Variants in STK3 observed in about 807,000 individuals in gnomAD.
The protein encoded by STK3 is serine/threonine kinase 3.
Under a neutral mutation model 58.0 loss-of-function variants are expected in STK3, and 41 were observed. That is an observed-to-expected ratio of 0.71 (90% CI 0.55 to 0.92). The LOEUF is 0.92. Ranked by LOEUF, STK3 falls within the 40% of genes least tolerant of loss-of-function variation. The pLI is 0.00. For synonymous variants in STK3, 170 were observed against 191.0 expected, an observed-to-expected ratio of 0.89 and a Z score of 0.91; for missense variants, 479 against 602.7, an observed-to-expected ratio of 0.79 and a Z score of 2.15.
chr8:98,417,598 T>C (rs996900655), intron 3 of STK3, among the ~76,000 whole-genome samples: 12 of 152,194 alleles, frequency 7.9e-5, no homozygotes, highest in Non-Finnish European at 1.8e-4. Context: ...CTATCATTGG[T>C]GAGTTCTGTA....
At chr8:98,625,282 C>T (rs182493192) in intron 6 of STK3, among the ~76,000 whole-genome samples, 1 of 152,154 alleles carries the variant, frequency 6.6e-6, no homozygotes, top group Non-Finnish European at 1.5e-5. Flanking sequence ...ACCCTCTCTC[C>T]GACAACACAC....
chr8:98,526,146 G>A (rs1235289038), intron 10 of STK3, among the ~76,000 whole-genome samples: 2 of 151,902 alleles, frequency 1.3e-5, no homozygotes, highest in East Asian at 3.9e-4. Flanking sequence ...TAGTTCATCT[G>A]TATTTTATGT....
chr8:98,690,972 A>C (rs1032687668), intron 6 of STK3, among the ~76,000 whole-genome samples: 1 of 152,168 alleles, frequency 6.6e-6, no homozygotes, highest in Non-Finnish European at 1.5e-5. Context: ...AAAACCAAAC[A>C]CTGCATGTTC....
chr8:98,677,482 T>G (rs2130876444), intron 6 of STK3, among the ~76,000 whole-genome samples: 1 of 151,650 alleles, frequency 6.6e-6, no homozygotes, highest in Non-Finnish European at 1.5e-5. Flanking sequence ...GATAACCTAT[T>G]ATTCATACTA....
At chr8:98,359,896 A>G in the STK3 span, among the ~76,000 whole-genome samples, 1 of 152,146 alleles carries the variant, frequency 6.6e-6, no homozygotes, top group South Asian at 2.1e-4. Flanking sequence ...TTCCAGTGGC[A>G]TGGGAAGGGT....
chr8:98,409,735 C>T (rs916387511), intron 3 of STK3, among the ~76,000 whole-genome samples: 2 of 152,338 alleles, frequency 1.3e-5, no homozygotes, highest in Non-Finnish European at 2.9e-5. Flanking sequence ...ATCAGCCTGG[C>T]TCTGGGGGCT....
At chr8:98,853,456 C>T (rs55933347) in intron 3 of STK3, among the ~76,000 whole-genome samples, 5,141 of 152,300 alleles carry the variant, frequency 0.034, 117 homozygotes, top group South Asian at 0.068. Flanking sequence ...TCTTCTATTG[C>T]TGTTTTCCTT....
chr8:98,459,395 G>A (rs1472789871), intron 10 of STK3, among the ~76,000 whole-genome samples: 1 of 152,216 alleles, frequency 6.6e-6, no homozygotes, highest in Non-Finnish European at 1.5e-5. Flanking sequence ...TAGATGGTTT[G>A]AAATTGGAAC....
intron 10 of STK3, among the ~76,000 whole-genome samples, chr8:98,518,197 T>G (rs967500357): frequency 6.6e-6 from 1 of 152,098 alleles, no homozygotes; most frequent in Non-Finnish European, 1.5e-5. Flanking sequence ...CTATCTTAAT[T>G]AATCCAATAA....
At chr8:98,733,249 A>G (rs746241964) in intron 4 of STK3, among the ~76,000 whole-genome samples, 1 of 152,230 alleles carries the variant, frequency 6.6e-6, no homozygotes, top group Non-Finnish European at 1.5e-5. Flanking sequence ...CTTATATTCA[A>G]TAACTCCTAT....
chr8:98,601,077 TC>T (rs1279596966), intron 6 of STK3, among the ~76,000 whole-genome samples: 1 of 152,156 alleles, frequency 6.6e-6, no homozygotes, highest in Non-Finnish European at 1.5e-5. Context: ...GCATAGTGGC[TC>T]ATGCCTGTAG....
chr8:98,660,782 C>G (rs1213425761), intron 6 of STK3, among the ~76,000 whole-genome samples: 1 of 152,066 alleles, frequency 6.6e-6, no homozygotes, highest in Non-Finnish European at 1.5e-5. Context: ...ATTTGTCAGT[C>G]AAGATATCAC....
chr8:98,739,585 A>G (rs1828990600), intron 4 of STK3, among the ~76,000 whole-genome samples: 1 of 146,184 alleles, frequency 6.8e-6, no homozygotes. Flanking sequence ...CACACCAAAA[A>G]CCCATCTGTA....
intron 1 of STK3, among the ~76,000 whole-genome samples, chr8:98,441,100 T>C (rs1362630668): frequency 6.6e-6 from 1 of 152,194 alleles, no homozygotes; most frequent in Non-Finnish European, 1.5e-5. Context: ...ATGTGTTAAT[T>C]TGTAATTCCA....
chr8:98,715,088 GCTGAAA>G (rs1201968467), intron 4 of STK3, among the ~76,000 whole-genome samples: 15 of 151,926 alleles, frequency 9.9e-5, no homozygotes, highest in Non-Finnish European at 1.8e-4. Flanking sequence ...TATGAAGAAA[GCTGAAA>G]CTGGATCCCT....
intron 1 of STK3, among the ~76,000 whole-genome samples, chr8:98,801,553 A>C (rs1267698426): frequency 6.6e-6 from 1 of 152,116 alleles, no homozygotes; most frequent in African/African-American, 2.4e-5. Flanking sequence ...GAACAACTCC[A>C]GACACACTGC....
chr8:98,495,085 C>T (rs4734407), intron 10 of STK3, among the ~76,000 whole-genome samples: 61,365 of 152,064 alleles, frequency 0.4, 12,707 homozygotes, highest in East Asian at 0.53. Flanking sequence ...ATGTCACCCA[C>T]TGTGACTAAG....
intron 4 of STK3, among the ~76,000 whole-genome samples, chr8:98,710,013 CA>C (rs1826273052): frequency 6.6e-6 from 1 of 151,550 alleles, no homozygotes; most frequent in South Asian, 2.1e-4. Flanking sequence ...AGGTTCTAGA[CA>C]GAGCAATTAG....
intron 6 of STK3, among the ~76,000 whole-genome samples, chr8:98,616,950 C>A (rs181789804): frequency 6.6e-6 from 1 of 152,146 alleles, no homozygotes; most frequent in Admixed American, 6.5e-5. Flanking sequence ...CTCATCTCCG[C>A]ACCAAGCGGA....
Sources: allele counts gnomAD v4.1 joint callset (sites outside exome capture counted in the v4.1 genomes callset), GRCh38; gene constraint gnomAD v4.1.1; transcripts MANE v1.5; gene names NCBI Gene and HGNC (gene_info 2026-07-23, HGNC 2026-07-21).